The following DCC variants were observed in gnomAD, a reference collection of about 807,000 sequenced individuals.
The protein encoded by DCC is DCC netrin 1 receptor.
Under a neutral mutation model 172.5 loss-of-function variants are expected in DCC, and 58 were observed. That is an observed-to-expected ratio of 0.34 (90% CI 0.27 to 0.42). The LOEUF (loss-of-function observed/expected upper bound fraction) is 0.42. Among genes scored for constraint, DCC ranks in the 10% least tolerant of loss-of-function variants. The pLI is 1.00. For synonymous variants in DCC, 709 were observed against 644.5 expected (o/e 1.10, Z -1.52); for missense variants, 1,740 against 1,791.0 (o/e 0.97, Z 0.51).
chr18:52,474,937 T>C (rs2144568991), intron 1 of DCC, among the ~76,000 whole-genome samples: 1 of 152,340 alleles, frequency 6.6e-6, no homozygotes, highest in Non-Finnish European at 1.5e-5. Flanking sequence ...CCCTAAATTG[T>C]CTAAAGTTTT....
intron 1 of DCC, among the ~76,000 whole-genome samples, chr18:52,381,927 T>C (rs1985603054): frequency 1.3e-5 from 2 of 152,124 alleles, no homozygotes; most frequent in African/African-American, 4.8e-5. Flanking sequence ...AGAAATAAAA[T>C]CATATTTGGA....
chr18:53,094,304 T>A (rs1432598437), intron 7 of DCC, among the ~76,000 whole-genome samples: 9 of 152,212 alleles, frequency 5.9e-5, no homozygotes, highest in Non-Finnish European at 2.9e-5. Flanking sequence ...AAGGACTTTG[T>A]AATGAAATAT....
chr18:52,512,657 G>A (rs1400599037), intron 1 of DCC, among the ~76,000 whole-genome samples: 2 of 152,068 alleles, frequency 1.3e-5, no homozygotes, highest in Non-Finnish European at 2.9e-5. Flanking sequence ...ACATACCATA[G>A]GCAGAAGCCC....
chr18:53,453,383 GTAAT>G (rs2045441654), intron 23 of DCC, among the ~76,000 whole-genome samples: 2 of 152,140 alleles, frequency 1.3e-5, no homozygotes, highest in Non-Finnish European at 2.9e-5. Context: ...GGACTTTAAT[GTAAT>G]TAATAAGTTG....
intron 2 of DCC, among the ~76,000 whole-genome samples, chr18:52,766,206 G>A (rs1478388012): frequency 6.6e-6 from 1 of 152,218 alleles, no homozygotes; most frequent in East Asian, 1.9e-4. Context: ...AGGAGCCAGA[G>A]CAAGCACTTT....
chr18:53,498,038 G>C (rs2046047025), intron 26 of DCC, among the ~76,000 whole-genome samples: 1 of 152,178 alleles, frequency 6.6e-6, no homozygotes, highest in South Asian at 2.1e-4. Flanking sequence ...CTCTGAATGG[G>C]ATAAGCCTGG....
chr18:53,281,161 A>G (rs1393775711), intron 12 of DCC, among the ~76,000 whole-genome samples: 1 of 152,172 alleles, frequency 6.6e-6, no homozygotes, highest in African/African-American at 2.4e-5. Flanking sequence ...TTACTGGGTA[A>G]TTGAAAACAG....
chr18:52,794,167 T>A (rs1282206246), intron 2 of DCC, among the ~76,000 whole-genome samples: 1 of 152,210 alleles, frequency 6.6e-6, no homozygotes, highest in Non-Finnish European at 1.5e-5. Context: ...TAGTTTTTTT[T>A]TATATTTCTC....
chr18:53,448,608 C>T (rs1912778388), intron 22 of DCC, among the ~76,000 whole-genome samples: 1 of 152,150 alleles, frequency 6.6e-6, no homozygotes, highest in Admixed American at 6.5e-5. Flanking sequence ...CCTGCAATCC[C>T]AGCACTTTGG....
At chr18:52,536,882 A>C (rs532346995) in intron 1 of DCC, among the ~76,000 whole-genome samples, 1 of 152,320 alleles carries the variant, frequency 6.6e-6, no homozygotes, top group Non-Finnish European at 1.5e-5. Flanking sequence ...ATCTCTTTAA[A>C]GTTCTGTATT....
chr18:53,191,584 T>C (rs1483691130), intron 9 of DCC, among the ~76,000 whole-genome samples: 1 of 152,226 alleles, frequency 6.6e-6, no homozygotes, highest in Non-Finnish European at 1.5e-5. Context: ...CTTATATGTA[T>C]ATTGCTTGTG....
chr18:53,477,201 G>T lies in DCC; in HGVS notation c.3736+9191G>T, dbSNP rs367565250. Among the ~76,000 whole-genome samples the T allele has an allele frequency of 1.4e-3, 212 of 152,128 alleles. 1 individual carries two copies. Among genetic ancestry groups the T allele is most frequent in the African/African-American group, 4.6e-3 (191 of 41,490 alleles). ...TTTTTGTATTTTTTGAAGAGACGAG[G>T]TTTCACCACGTTGCCCAGGCTGGTC... On this transcript the variant is annotated intron_variant, in intron 25 of 28. Transcript: ENST00000442544.
chr18:53,102,291 C>T (rs748285930), intron 7 of DCC, among the ~76,000 whole-genome samples: 2 of 152,006 alleles, frequency 1.3e-5, no homozygotes, highest in Non-Finnish European at 2.9e-5. Context: ...ATAAAATGTT[C>T]GTCCTATTTT....
chr18:52,673,460 T>C (rs2035590446), intron 1 of DCC, among the ~76,000 whole-genome samples: 1 of 152,162 alleles, frequency 6.6e-6, no homozygotes, highest in Non-Finnish European at 1.5e-5. Context: ...GAGGTTGTGT[T>C]TTTTGAGAAA....
intron 1 of DCC, among the ~76,000 whole-genome samples, chr18:52,370,886 T>C (rs557547180): frequency 4.6e-5 from 7 of 152,320 alleles, no homozygotes; most frequent in African/African-American, 7.2e-5. Context: ...AAGGAAATCA[T>C]TGTATTTTTT....
At chr18:52,641,573 C>G (rs1425603629) in intron 1 of DCC, among the ~76,000 whole-genome samples, 1 of 148,682 alleles carries the variant, frequency 6.7e-6, no homozygotes. Flanking sequence ...AGATAATTCT[C>G]AAAAGAAGAT....
At chr18:52,412,882 A>G (rs1432483640) in intron 1 of DCC, among the ~76,000 whole-genome samples, 1 of 151,994 alleles carries the variant, frequency 6.6e-6, no homozygotes, top group East Asian at 1.9e-4. Context: ...TTGGTCTGGG[A>G]ACAATGTGGA....
chr18:53,217,622 C>T (rs767786250), intron 12 of DCC, among the ~76,000 whole-genome samples: 1 of 152,012 alleles, frequency 6.6e-6, no homozygotes, highest in Non-Finnish European at 1.5e-5. Flanking sequence ...ATGATCAAAA[C>T]ACCACTTTTT....
At chr18:52,491,069 T>C (rs969621190) in intron 1 of DCC, among the ~76,000 whole-genome samples, 7 of 152,248 alleles carry the variant, frequency 4.6e-5, no homozygotes, top group Admixed American at 2.0e-4. Context: ...TTCACTCTTA[T>C]ATGGAGCCTT....
Sources: gnomAD v4.1 joint callset for allele counts (sites outside exome capture counted in the v4.1 genomes callset) on GRCh38, gnomAD v4.1.1 for gene constraint, MANE v1.5 for transcripts, NCBI Gene and HGNC (gene_info 2026-07-23, HGNC 2026-07-21) for gene names.